The following GRHL1 variants were observed in gnomAD, a reference collection of about 807,000 sequenced individuals.
GRHL1 encodes the protein grainyhead like transcription factor 1, also known as grainyhead-like protein 1 homolog.
Under a neutral mutation model 75.7 loss-of-function variants are expected in GRHL1, and 38 were observed. The ratio of observed to expected loss-of-function variants is 0.50; its 90% CI spans 0.39 to 0.66. The LOEUF (loss-of-function observed/expected upper bound fraction) is 0.66, where lower values mean the gene tolerates loss of function less well. Ranked by LOEUF, GRHL1 falls within the 30% of genes least tolerant of loss-of-function variation. The pLI, the probability that GRHL1 is intolerant of heterozygous loss-of-function variation, is 0.00. For missense variants in GRHL1, 589 were observed against 767.5 expected (o/e 0.77, Z 2.75); for synonymous variants, 266 against 279.4 (o/e 0.95, Z 0.48).
intron 8 of GRHL1, among the ~76,000 whole-genome samples, chr2:9,978,916 G>T (rs146462212): frequency 0.034 from 5,112 of 152,032 alleles, 298 homozygotes; most frequent in African/African-American, 0.12. Flanking sequence ...ACTTCAACCC[G>T]GGAGGCGGAG....
At position 9,951,828 on chromosome 2, in the gene GRHL1, G is replaced by A; in HGVS notation, c.-6G>A. ...TTCTGCGGCCCGGCAGCGGCGAGCG[G>A]GCGCGATGACACAGGAGTACGACAA... On this transcript the variant is annotated 5_prime_UTR_variant, in exon 1 of 16. Transcript: ENST00000324907. The surrounding 1 kb of genome is among the most constrained non-coding windows in gnomAD (Gnocchi z 4.2). 80 of 1,527,098 alleles carry A rather than the reference G, an allele frequency of 5.2e-5. No individual in the cohort carries two copies. The highest frequency in any genetic ancestry group is 6.9e-5 in the Non-Finnish European group (78 of 1,135,856). The allele number at this position is 1,527,098 out of a possible 1,614,324, so 94.6% of individuals were successfully genotyped here.
At chr2:9,965,674 T>C in intron 8 of GRHL1, 1 of 386,574 alleles carries the variant, frequency 2.6e-6, no homozygotes, top group Non-Finnish European at 4.7e-6. Context: ...TTTCCTCATT[T>C]GCACAGTGGA....
At chr2:9,964,482 CA>C in intron 7 of GRHL1, 136 bp downstream of exon 7, 2 of 605,700 alleles carry the variant, frequency 3.3e-6, no homozygotes, top group South Asian at 4.1e-5. Context: ...CTGTTCCAAA[CA>C]CTGTCCTCGG....
rs141637245 is a variant in GRHL1 at position 9,956,525 on chromosome 2, CA to C, written c.207+1436del. Among the ~76,000 whole-genome samples the C allele has an allele frequency of 2.4e-3, 346 of 143,352 alleles. 1 individual carries two copies. The highest frequency in any genetic ancestry group is 7.0e-3 in the Middle Eastern group (2 of 284). The allele number at this position is 143,352 out of a possible 152,430, so 94.0% of individuals were successfully genotyped here. A position where few individuals can be genotyped will look rare whatever the true frequency, so the allele number is the denominator to read the frequency against. ...TGGGTGACAGAGACAGACCCTATCT[CA>C]AAAAAAAAAAATGGGGTGATTATTT... On this transcript the variant is annotated intron_variant, in intron 2 of 15. Coordinates refer to ENST00000324907, the MANE Select transcript of GRHL1 (RefSeq NM_198182.3).
At chr2:9,965,001 C>T (rs1447174917) in intron 7 of GRHL1, 2 of 310,424 alleles carry the variant, frequency 6.4e-6, no homozygotes, top group Non-Finnish European at 1.2e-5. Context: ...CTTGGTTCTA[C>T]AGAGTAGTTT....
At position 9,990,819 on chromosome 2, in the gene GRHL1, T is replaced by A. The variant is rs763560716; in HGVS notation, c.1321+72T>A. On this transcript the variant is annotated intron_variant, in intron 10 of 15. Coordinates refer to ENST00000324907, the MANE Select transcript of GRHL1 (RefSeq NM_198182.3). This position sits in a 1 kb window ranked among gnomAD's most constrained non-coding sequence, Gnocchi z 4.2. ...ATGTTCCCGGCAAGCTTCAGACCTT[T>A]TCCATTGAGAATGGTGGCTGGAGTT... is the stretch of plus-strand genomic sequence containing the variant. 5.6e-6 allele frequency: 7 copies of A among 1,252,254 alleles called. No individual in the cohort carries two copies. In the South Asian group the frequency reaches 8.9e-5, roughly 16 times the overall value. The allele number at this position is 1,252,254 out of a possible 1,614,324, so 77.6% of individuals were successfully genotyped here. A position where few individuals can be genotyped will look rare whatever the true frequency, so the allele number is the denominator to read the frequency against.
At chr2:9,966,746 G>A (rs1026890099) in intron 8 of GRHL1, among the ~76,000 whole-genome samples, 1 of 151,818 alleles carries the variant, frequency 6.6e-6, no homozygotes, top group African/African-American at 2.4e-5. Context: ...CTTTCTTATC[G>A]TTGTCATCAT....
intron 8 of GRHL1, among the ~76,000 whole-genome samples, chr2:9,967,224 C>T (rs1667530306): frequency 1.3e-5 from 2 of 152,352 alleles, no homozygotes; most frequent in African/African-American, 2.4e-5. Context: ...AGTCCTTTCC[C>T]CTTGATCCCC....
chr2:9,988,357 C>T lies in GRHL1; in HGVS notation c.1269+2075C>T, dbSNP rs374786894. Among the ~76,000 whole-genome samples, 27 of 152,302 alleles carry T rather than the reference C, an allele frequency of 1.8e-4. No individual in the cohort carries two copies. The South Asian group carries it at 5.6e-3, about 32-fold the overall frequency. ...CTCACATTACTTCCTTGTAATAATC[C>T]TCATGACAGGGATTTCCAGTCCATC... On this transcript the variant is annotated intron_variant, in intron 9 of 15. Coordinates refer to ENST00000324907, the MANE Select transcript of GRHL1 (RefSeq NM_198182.3).
chr2:9,999,023 A>G lies in GRHL1; in HGVS notation c.1736A>G (p.Lys579Arg). 1 of 1,561,658 alleles carries G rather than the reference A, an allele frequency of 6.4e-7. No individual in the cohort carries two copies. The highest frequency in any genetic ancestry group is 8.7e-7 in the Non-Finnish European group (1 of 1,144,878). The change falls in exon 15 of 16, where the codon AAA becomes AGA. Residue 579 changes from lysine (K) to arginine (R), a missense_variant. Around this residue, in one of 5 missense-constraint regions of GRHL1, gnomAD observed 192 missense variants for 226.6 expected, o/e 0.85. Coordinates refer to ENST00000324907, the MANE Select transcript of GRHL1 (RefSeq NM_198182.3). ...ATTGGGAAAATATTCAAGAAGTGTAAAAAGGGGTAAGCAGCCACTGCGTCC... is the reference window on the plus strand; with the variant it reads ...ATTGGGAAAATATTCAAGAAGTGTAGAAAGGGGTAAGCAGCCACTGCGTCC... ...DKIGKIFKKC[K>R]KGILVNMDDN... is the part of the protein sequence containing the mutation.
At chr2:9,960,774 T>C (rs1178009739) in intron 3 of GRHL1, 2 of 361,444 alleles carry the variant, frequency 5.5e-6, no homozygotes, top group Admixed American at 4.2e-5. Flanking sequence ...ACAGTAATTG[T>C]TTTTAGGATT....
intron 8 of GRHL1, among the ~76,000 whole-genome samples, chr2:9,978,293 G>A (rs1284007237): frequency 2.6e-5 from 4 of 152,246 alleles, no homozygotes; most frequent in African/African-American, 4.8e-5. Flanking sequence ...ACACAGCTGA[G>A]AGTGTGAGGG....
chr2:9,981,578 CACTATT>C (rs1197400686), intron 8 of GRHL1, among the ~76,000 whole-genome samples: 1 of 152,228 alleles, frequency 6.6e-6, no homozygotes, highest in Non-Finnish European at 1.5e-5. Context: ...GCTGCTTTTA[CACTATT>C]ACTGCAGAGT....
At chr2:9,993,427 C>A (rs1668729156) in intron 12 of GRHL1, among the ~76,000 whole-genome samples, 183 bp downstream of exon 12, 1 of 152,202 alleles carries the variant, frequency 6.6e-6, no homozygotes, top group South Asian at 2.1e-4. Context: ...AGGACATCCT[C>A]CTGTGTCACA....
intron 1 of GRHL1, among the ~76,000 whole-genome samples, chr2:9,954,675 C>T (rs1328962769): frequency 1.3e-5 from 2 of 151,996 alleles, no homozygotes; most frequent in Non-Finnish European, 2.9e-5. Context: ...AATAGTATAC[C>T]CTGGGTTCCA....
chr2:9,995,619 C>T (rs190547711), intron 12 of GRHL1, among the ~76,000 whole-genome samples: 3 of 151,482 alleles, frequency 2.0e-5, no homozygotes, highest in East Asian at 1.9e-4. Context: ...GCCTCATCTT[C>T]GAGAAGGCAG....
chr2:9,993,512 G>T lies in GRHL1; in HGVS notation c.1499+268G>T, dbSNP rs372880574. 7.9e-5 allele frequency among the ~76,000 whole-genome samples: 12 copies of T among 152,210 alleles called. 1 individual carries two copies. Among genetic ancestry groups the T allele is most frequent in the Admixed American group, 7.2e-4 (11 of 15,286 alleles). On this transcript the variant is annotated intron_variant, in intron 12 of 15. Transcript: ENST00000324907. ...TATAGCAAAAAAGGATCCAGTTCAG[G>T]ATCACACATTGTAGTTGTTTGTCAT...
rs779180955 is a variant in GRHL1, at chr2:9,990,735, A to G, written c.1309A>G (p.Ser437Gly). 10 of 1,612,286 alleles carry G rather than the reference A, an allele frequency of 6.2e-6. No homozygotes were observed. The highest frequency in any genetic ancestry group is 2.2e-5 in the South Asian group (2 of 90,954). The change falls in exon 10 of 16, where the codon AGC (serine) becomes GGC (glycine). Residue 437 changes from serine to glycine, a missense_variant. Coordinates refer to ENST00000324907, the MANE Select transcript of GRHL1 (RefSeq NM_198182.3). The surrounding 1 kb of genome is among the most constrained non-coding windows in gnomAD (Gnocchi z 4.2). ...RKIRDEERKQ[S>G]KRKVSDVKVP... ...AATCAGGGATGAAGAACGAAAGCAA[A>G]GCAAAAGAAAAGGCAAGTGTCCTGA...
intron 8 of GRHL1, among the ~76,000 whole-genome samples, chr2:9,979,231 A>AT (rs199976691): frequency 9.2e-5 from 11 of 119,558 alleles, no homozygotes; most frequent in African/African-American, 3.0e-4. Context: ...TAAATGTTCA[A>AT]TCTTTTTTTT....
Sources: gnomAD v4.1 joint callset for allele counts (sites outside exome capture counted in the v4.1 genomes callset) on GRCh38, gnomAD v4.1.1 for gene constraint, gnomAD v4.1.1 regional missense constraint, Gnocchi (gnomAD v3.1) non-coding constraint, MANE v1.5 for transcripts, NCBI Gene and HGNC (gene_info 2026-07-23, HGNC 2026-07-21) for gene names.